Variants in FXYD6 observed in about 807,000 individuals in gnomAD.
FXYD6 encodes the protein FXYD domain-containing ion transport regulator 6.
A neutral mutation model predicts 16.7 loss-of-function variants in FXYD6; 7 were observed. The observed-to-expected ratio is 0.42, with a 90% confidence interval of 0.24 to 0.79. The LOEUF (loss-of-function observed/expected upper bound fraction) is 0.79. Among genes scored for constraint, FXYD6 ranks in the 30% least tolerant of loss-of-function variants. The pLI is 0.28. For synonymous variants in FXYD6, 49 were observed against 43.0 expected (o/e 1.14, Z -0.54); for missense variants, 111 against 116.2 (o/e 0.95, Z 0.21).
In FXYD6 at chr11:117,842,315, G is replaced by C. The variant is rs2056367302; in HGVS notation, c.59-287C>G. 3 of 577,016 alleles carry C rather than the reference G, an allele frequency of 5.2e-6. No homozygotes were observed. In the Admixed American group the frequency reaches 9.3e-5, roughly 18 times the overall value. The allele number at this position is 577,016 out of a possible 1,614,324, so 35.7% of individuals were successfully genotyped here. Reference sequence around the variant, plus strand: ...ATTCTTACATCATCCCCAGAAGGCAGGGTCAGTTTTCCTCTTGTGACACAC... The same window carrying C: ...ATTCTTACATCATCCCCAGAAGGCACGGTCAGTTTTCCTCTTGTGACACAC... On this transcript the variant is annotated intron_variant, in intron 2 of 7. Coordinates refer to ENST00000526014, the MANE Select transcript of FXYD6 (RefSeq NM_022003.4).
chr11:117,852,070 G>C lies in FXYD6; in HGVS notation c.-5-9289C>G, dbSNP rs532995296. Among the ~76,000 whole-genome samples the C allele has an allele frequency of 1.4e-4, 21 of 152,344 alleles. No individual in the cohort carries two copies. The South Asian group carries it at 4.2e-3, about 30-fold the overall frequency. ...AAGGAATTGTGGGAAGCCTCTAGCAGCTGACAGCTGCCCCTGGCCAGAAGC... is the reference window on the plus strand; with the variant it reads ...AAGGAATTGTGGGAAGCCTCTAGCACCTGACAGCTGCCCCTGGCCAGAAGC... On this transcript the variant is annotated intron_variant, in intron 1 of 7. Coordinates refer to ENST00000526014, the MANE Select transcript of FXYD6 (RefSeq NM_022003.4).
rs932527947 is a variant in FXYD6, at chr11:117,844,556, G to A, written c.-5-1775C>T. The stretch of plus-strand genomic sequence containing the variant: ...GTCGCCCAGGCTAGAATGCAATGGT[G>A]CGATCTCGGCTCACTGCAACTTCCA... On this transcript the variant is annotated intron_variant, in intron 1 of 7. Transcript: ENST00000526014. Among the ~76,000 whole-genome samples, 21 of 152,036 alleles carry A rather than the reference G, an allele frequency of 1.4e-4. 1 individual carries two copies. Among genetic ancestry groups the A allele is most frequent in the African/African-American group, 5.1e-4 (21 of 41,384 alleles).
At position 117,842,702 on chromosome 11, in the gene FXYD6, C is replaced by T. The variant is rs1215810590; in HGVS notation, c.58+17G>A. On this transcript the variant is annotated intron_variant, in intron 2 of 7. Transcript: ENST00000526014. ...GGTTGTCATCTTGTCACAGCCAGGT[C>T]CCAGAGGGGTACTTACCACTGGCCA... is the stretch of plus-strand genomic sequence containing the variant. 4.2e-5 allele frequency: 66 copies of T among 1,558,578 alleles called. No individual in the cohort carries two copies. The highest frequency in any genetic ancestry group is 5.7e-5 in the Non-Finnish European group (66 of 1,150,586).
intron 1 of FXYD6, among the ~76,000 whole-genome samples, chr11:117,850,917 A>G (rs2134158849): frequency 6.6e-6 from 1 of 152,354 alleles, no homozygotes; most frequent in Middle Eastern, 3.4e-3. Context: ...AAAAAGACCA[A>G]AAAAATTCAG....
At chr11:117,846,911 T>C (rs2056483329) in intron 1 of FXYD6, among the ~76,000 whole-genome samples, 1 of 152,256 alleles carries the variant, frequency 6.6e-6, no homozygotes, top group South Asian at 2.1e-4. Context: ...TTCAAATTCA[T>C]CTAAAACTGT....
intron 1 of FXYD6, among the ~76,000 whole-genome samples, chr11:117,857,117 T>A (rs1384327637): frequency 6.6e-6 from 1 of 152,172 alleles, no homozygotes; most frequent in Non-Finnish European, 1.5e-5. Flanking sequence ...CTGCCACTGA[T>A]AGCCTCCTTG....
chr11:117,874,104 C>T (rs781098184), intron 1 of FXYD6, among the ~76,000 whole-genome samples: 1 of 152,188 alleles, frequency 6.6e-6, no homozygotes. Flanking sequence ...CAGTTTCCCC[C>T]ACTGTGTTCC....
At chr11:117,839,080 A>G (rs1358305105) in intron 7 of FXYD6, 1 of 152,898 alleles carries the variant, frequency 6.5e-6, no homozygotes, top group Non-Finnish European at 1.5e-5. Flanking sequence ...GCTGAACCAC[A>G]GCCGCAAAGG....
intron 1 of FXYD6, chr11:117,843,989 C>T (rs1274453783): frequency 6.6e-6 from 1 of 152,262 alleles, no homozygotes; most frequent in African/African-American, 2.4e-5. Context: ...AGAGGCTTTT[C>T]CTGAACCAGG....
intron 1 of FXYD6, among the ~76,000 whole-genome samples, chr11:117,847,208 A>G (rs189341971): frequency 1.3e-5 from 2 of 152,296 alleles, no homozygotes; most frequent in East Asian, 3.9e-4. Context: ...TTGATCTTAA[A>G]TCCAATAATC....
At chr11:117,843,326 G>A (rs764661372) in intron 1 of FXYD6, among the ~76,000 whole-genome samples, 6 of 152,176 alleles carry the variant, frequency 3.9e-5, no homozygotes, top group Non-Finnish European at 8.8e-5. Context: ...ACTAACGCAG[G>A]CCGAGAACCT....
intron 1 of FXYD6, among the ~76,000 whole-genome samples, chr11:117,866,068 T>G (rs2057007223): frequency 6.6e-6 from 1 of 151,984 alleles, no homozygotes; most frequent in African/African-American, 2.4e-5. Context: ...ATGATTCCAC[T>G]CATATGAGGC....
At chr11:117,865,802 C>T (rs926447974) in intron 1 of FXYD6, among the ~76,000 whole-genome samples, 5 of 152,176 alleles carry the variant, frequency 3.3e-5, no homozygotes, top group Admixed American at 3.3e-4. Flanking sequence ...TGGTGCGCGC[C>T]TGTAGTTCCA....
chr11:117,860,007 T>C (rs778497722), intron 1 of FXYD6, among the ~76,000 whole-genome samples: 1 of 152,160 alleles, frequency 6.6e-6, no homozygotes, highest in African/African-American at 2.4e-5. Context: ...TTGGGCTCCA[T>C]GTCTGCCGAA....
intron 6 of FXYD6, 165 bp downstream of exon 6, chr11:117,840,154 G>T: frequency 6.1e-6 from 5 of 821,278 alleles, no homozygotes; most frequent in Non-Finnish European, 9.9e-6. Context: ...TAGCCTGTTT[G>T]GTGGAGTGAG....
intron 1 of FXYD6, among the ~76,000 whole-genome samples, chr11:117,855,574 A>G (rs976300095): frequency 1.2e-4 from 19 of 152,214 alleles, no homozygotes; most frequent in African/African-American, 4.1e-4. Flanking sequence ...TCCAGAGAGG[A>G]AGCTGGGCTG....
chr11:117,837,598 G>A lies in FXYD6; in HGVS notation c.*701C>T, dbSNP rs949120847. On this transcript the variant is annotated 3_prime_UTR_variant, in exon 8 of 8. Coordinates refer to ENST00000526014, the MANE Select transcript of FXYD6 (RefSeq NM_022003.4). The surrounding 1 kb of genome is among the most constrained non-coding windows in gnomAD (Gnocchi z 4.4). ...ATGGGGACTCCTCGTGGAAGCCCCTGGGAAGAAATTAACCACGGAAGGGCA... is the reference window on the plus strand; with the variant it reads ...ATGGGGACTCCTCGTGGAAGCCCCTAGGAAGAAATTAACCACGGAAGGGCA... The A allele has an allele frequency of 2.0e-5, 3 of 152,982 alleles. No homozygotes were observed. Among genetic ancestry groups the A allele is most frequent in the African/African-American group, 7.2e-5 (3 of 41,438 alleles). 9.5% of individuals were successfully genotyped at this position (152,982 alleles called of 1,614,324 possible).
Position 117,841,161 on chromosome 11 carries a change from T to C in FXYD6, c.196A>G (p.Asn66Asp). 6.2e-7 allele frequency: 1 copy of C among 1,614,058 alleles called. No individual in the cohort carries two copies. The highest frequency in any genetic ancestry group is 8.5e-7 in the Non-Finnish European group (1 of 1,180,024). ...ILSRRCKCSF[N>D]QKPRAPGDEE... ...CGGCATCCTTACCGGGGCTTCTGAT[T>C]GAAACTGCACTTGCACCTGCGACCT... is the stretch of plus-strand genomic sequence containing the variant. Residue 66 changes from asparagine (N) to aspartate (D), a missense_variant, in exon 5 of 8, where the codon AAT becomes GAT. Transcript: ENST00000526014.
At position 117,870,191 on chromosome 11, in the gene FXYD6, C is replaced by CA. The variant is rs2057104563; in HGVS notation, c.-6+6400dup. The stretch of plus-strand genomic sequence containing the variant: ...ATGCCGCGCCTTGCCCAGAGGGAGT[C>CA]AGAGTGGGATTCAGGCCTCCTGCCT... On this transcript the variant is annotated intron_variant, in intron 1 of 7. Transcript: ENST00000526014. This position sits in a 1 kb window ranked among gnomAD's most constrained non-coding sequence, Gnocchi z 4.2. 6.6e-6 allele frequency among the ~76,000 whole-genome samples: 1 copy of CA among 152,264 alleles called. No homozygotes were observed. The highest frequency in any genetic ancestry group is 6.5e-5 in the Admixed American group (1 of 15,294).
Sources: gnomAD v4.1 joint callset for allele counts (sites outside exome capture counted in the v4.1 genomes callset) on GRCh38, gnomAD v4.1.1 for gene constraint, Gnocchi (gnomAD v3.1) non-coding constraint, MANE v1.5 for transcripts, NCBI Gene and HGNC (gene_info 2026-07-23, HGNC 2026-07-21) for gene names.